MICALL2: variants seen among roughly 807,000 people sequenced by gnomAD.
The protein encoded by MICALL2 is MICAL like 2, also known as MICAL-like protein 2.
MICALL2 carries 111 observed loss-of-function variants against 91.1 expected under a neutral mutation model. That is an observed-to-expected ratio of 1.22 (90% CI 1.04 to 1.43). The LOEUF is 1.43. Ranked by LOEUF, MICALL2 falls within the 40% of genes most tolerant of loss-of-function variation. The pLI, the probability that MICALL2 is intolerant of heterozygous loss-of-function variation, is 0.00. For synonymous variants in MICALL2, 694 were observed against 525.3 expected (o/e 1.32, Z -4.39); for missense variants, 1,556 against 1,236.0 (o/e 1.26, Z -3.88).
rs984582741 is a variant in MICALL2 at position 1,452,088 on chromosome 7, ACCCTCCACCGTTTCCAGCTTGGACC to A, written c.144-1825_144-1801del. On this transcript the variant is annotated intron_variant, in intron 1 of 16. Transcript: ENST00000297508. The surrounding 1 kb of genome is among the most constrained non-coding windows in gnomAD (Gnocchi z 6.2). ...CATCAATCTGCTGGGATCCTTGGGAACCCTCCACCGTTTCCAGCTTGGACCCCCTCCCAGGTAACAGGTTTCAGAC... is the reference window on the plus strand; with the variant it reads ...CATCAATCTGCTGGGATCCTTGGGAACCCTCCCAGGTAACAGGTTTCAGAC... Among the ~76,000 whole-genome samples the A allele has an allele frequency of 4.0e-5, 6 of 151,848 alleles. No homozygotes were observed. The highest frequency in any genetic ancestry group is 1.5e-4 in the African/African-American group (6 of 41,304).
At chr7:1,444,461 C>T (rs1302925774) in intron 6 of MICALL2, among the ~76,000 whole-genome samples, 191 bp downstream of exon 6, 2 of 152,228 alleles carry the variant, frequency 1.3e-5, no homozygotes, top group Admixed American at 6.5e-5. Flanking sequence ...CTTCCACCAC[C>T]CTGACCACAG....
chr7:1,439,588 CATG>C (rs1315331722), intron 9 of MICALL2: 5 of 258,994 alleles, frequency 1.9e-5, no homozygotes, highest in African/African-American at 1.0e-4. Context: ...CTGATGTACA[CATG>C]AATACACATG....
intron 1 of MICALL2, among the ~76,000 whole-genome samples, chr7:1,458,319 C>T (rs1264100727): frequency 6.6e-6 from 1 of 152,218 alleles, no homozygotes; most frequent in Non-Finnish European, 1.5e-5. Context: ...CTCCCAACCC[C>T]GAGACCTTCC....
Position 1,445,565 on chromosome 7 carries a change from T to G in MICALL2, c.642-137A>C, listed in dbSNP as rs952417517. 18 of 770,106 alleles carry G rather than the reference T, an allele frequency of 2.3e-5. No homozygotes were observed. The East Asian group carries it at 4.6e-4, about 20-fold the overall frequency. The allele number at this position is 770,106 out of a possible 1,614,324, so 47.7% of individuals were successfully genotyped here. A position where few individuals can be genotyped will look rare whatever the true frequency, so the allele number is the denominator to read the frequency against. ...TGCTGAACGCCCGCCCCGCCACGCA[T>G]TCACCACGTGCTCCTGAGAGCAGGC... is the stretch of plus-strand genomic sequence containing the variant. On this transcript the variant is annotated intron_variant, in intron 5 of 16. Transcript: ENST00000297508.
At chr7:1,440,735 G>A (rs769724980) in intron 7 of MICALL2, 51 bp from the exon 8 acceptor site, 10 of 1,503,492 alleles carry the variant, frequency 6.7e-6, no homozygotes, top group Non-Finnish European at 8.3e-6. Context: ...CTGGGAATGG[G>A]GTGTCTGCAA....
At position 1,442,507 on chromosome 7, in the gene MICALL2, C is replaced by T. The variant is rs368452335; in HGVS notation, c.1419-23G>A. The T allele has an allele frequency of 5.9e-6, 9 of 1,517,174 alleles. No individual in the cohort carries two copies. The African/African-American group carries it at 1.1e-4, about 19-fold the overall frequency. 94.0% of individuals were successfully genotyped at this position (1,517,174 alleles called of 1,614,324 possible). A position where few individuals can be genotyped will look rare whatever the true frequency, so the allele number is the denominator to read the frequency against. ...GGCCTATAAGTAAAAGCGCAGGCAT[C>T]AGGCACAGCTGGATCCAGGCGCCCT... On this transcript the variant is annotated intron_variant, in intron 6 of 16. Transcript: ENST00000297508.
intron 16 of MICALL2, 68 bp from the exon 17 acceptor site, chr7:1,434,740 C>A: frequency 2.1e-6 from 3 of 1,441,366 alleles, no homozygotes; most frequent in African/African-American, 1.4e-5. Flanking sequence ...CCACACAAGT[C>A]CCCCTGCCAG....
intron 5 of MICALL2, 33 bp from the exon 6 acceptor site, chr7:1,445,461 G>A (rs749185993): frequency 3.8e-5 from 55 of 1,463,440 alleles, no homozygotes; most frequent in East Asian, 2.2e-4. Flanking sequence ...GCCCCAGCTC[G>A]GCACCGCCCA....
Position 1,452,139 on chromosome 7 carries a change from G to A in MICALL2, c.144-1851C>T, listed in dbSNP as rs1449383983. On this transcript the variant is annotated intron_variant, in intron 1 of 16. Coordinates refer to ENST00000297508, the MANE Select transcript of MICALL2 (RefSeq NM_182924.4). The surrounding 1 kb of genome is among the most constrained non-coding windows in gnomAD (Gnocchi z 6.2). ...CCCTCCCAGGTAACAGGTTTCAGAC[G>A]GCAGGACCACCCGTCTGCACAGGCG... Among the ~76,000 whole-genome samples the A allele has an allele frequency of 5.9e-5, 9 of 152,170 alleles. No individual in the cohort carries two copies. Among genetic ancestry groups the A allele is most frequent in the Admixed American group, 2.6e-4 (4 of 15,288 alleles).
In MICALL2 at chr7:1,444,309, G is replaced by C. The variant is rs538138637; in HGVS notation, c.1418+343C>G. 1.1e-3 allele frequency among the ~76,000 whole-genome samples: 174 copies of C among 151,728 alleles called. 1 individual carries two copies. Among genetic ancestry groups the C allele is most frequent in the African/African-American group, 4.0e-3 (163 of 41,128 alleles). Reference sequence around the variant, plus strand: ...ACCCGCCAGCGTGGGTCCCGCTCGCGACCTGTCCCCGCGTCCATGAAATGG... The same window carrying C: ...ACCCGCCAGCGTGGGTCCCGCTCGCCACCTGTCCCCGCGTCCATGAAATGG... On this transcript the variant is annotated intron_variant, in intron 6 of 16. Coordinates refer to ENST00000297508, the MANE Select transcript of MICALL2 (RefSeq NM_182924.4).
intron 14 of MICALL2, 24 bp from the exon 15 acceptor site, chr7:1,436,880 G>A (rs765902540): frequency 8.6e-6 from 13 of 1,517,430 alleles, no homozygotes; most frequent in Non-Finnish European, 2.7e-6. Flanking sequence ...TCGTCAGCAG[G>A]AGCCCCCCCC....
At chr7:1,445,994 G>T (rs920009853) in intron 5 of MICALL2, among the ~76,000 whole-genome samples, 1 of 150,358 alleles carries the variant, frequency 6.7e-6, no homozygotes, top group African/African-American at 2.5e-5. Context: ...AGTGTGTGTG[G>T]AAGGACAGTC....
intron 15 of MICALL2, 119 bp from the exon 16 acceptor site, chr7:1,435,266 C>G (rs1779911527): frequency 1.1e-6 from 1 of 912,904 alleles, no homozygotes; most frequent in Non-Finnish European, 1.7e-6. Context: ...ACCCATGCCA[C>G]CTGCCCCTTC....
chr7:1,450,584 C>A, intron 1 of MICALL2: 1 of 377,592 alleles, frequency 2.6e-6, no homozygotes, highest in Non-Finnish European at 5.0e-6. Context: ...TGGCAGGAAG[C>A]AGGCCTGGGA....
Position 1,452,386 on chromosome 7 carries a change from A to G in MICALL2, c.144-2098T>C, listed in dbSNP as rs955276651. ...GGACTCTGCAGCCATGCTGGGCGTCAGCCTCAGCCCCCAGGGCTTAGGAGC... is the reference window on the plus strand; with the variant it reads ...GGACTCTGCAGCCATGCTGGGCGTCGGCCTCAGCCCCCAGGGCTTAGGAGC... On this transcript the variant is annotated intron_variant, in intron 1 of 16. Coordinates refer to ENST00000297508, the MANE Select transcript of MICALL2 (RefSeq NM_182924.4). The surrounding 1 kb of genome is among the most constrained non-coding windows in gnomAD (Gnocchi z 6.2). 2.0e-5 allele frequency among the ~76,000 whole-genome samples: 3 copies of G among 151,796 alleles called. No individual in the cohort carries two copies. The highest frequency in any genetic ancestry group is 4.4e-5 in the Non-Finnish European group (3 of 67,968).
At chr7:1,443,234 C>T (rs1203524721) in intron 6 of MICALL2, among the ~76,000 whole-genome samples, 2 of 151,476 alleles carry the variant, frequency 1.3e-5, no homozygotes, top group Non-Finnish European at 3.0e-5. Flanking sequence ...GGAGCACCCC[C>T]GCCACTCATC....
Position 1,436,785 on chromosome 7 carries a change from C to T in MICALL2, c.2548G>A (p.Asp850Asn), listed in dbSNP as rs747114427. The T allele has an allele frequency of 2.6e-5, 42 of 1,608,838 alleles. No individual in the cohort carries two copies. The African/African-American group carries it at 2.9e-4, about 11-fold the overall frequency. ...AGCGAGTCCACGATGTCACTGCGGT[C>T]GTTCACGGTGCTCACGTACTGCTCC... The part of the protein sequence containing the change: ...LLEQYVSTVN[D>N]RSDIVDSLDE... Residue 850 changes from aspartate (D) to asparagine (N), a missense_variant, in exon 15 of 17, where the codon GAC (aspartate) becomes AAC (asparagine). Transcript: ENST00000297508.
chr7:1,438,561 C>G, intron 10 of MICALL2: 1 of 1,425,866 alleles, frequency 7.0e-7, no homozygotes, highest in Non-Finnish European at 9.1e-7. Flanking sequence ...GCACCCTGCC[C>G]TCCTCCAGGT....
chr7:1,452,046 C>T lies in MICALL2; in HGVS notation c.144-1758G>A, dbSNP rs536998972. Among the ~76,000 whole-genome samples the T allele has an allele frequency of 3.3e-5, 5 of 152,338 alleles. No individual in the cohort carries two copies. In the East Asian group the frequency reaches 9.7e-4, roughly 29 times the overall value. Reference sequence around the variant, plus strand: ...CCTTAGGAAGCCCCCGCCCCGTCCGCCTGCAGCCCTGCCGTCCATCAATCT... The same window carrying T: ...CCTTAGGAAGCCCCCGCCCCGTCCGTCTGCAGCCCTGCCGTCCATCAATCT... On this transcript the variant is annotated intron_variant, in intron 1 of 16. Transcript: ENST00000297508. The surrounding 1 kb of genome is among the most constrained non-coding windows in gnomAD (Gnocchi z 6.2).
Sources: gnomAD v4.1 joint callset for allele counts (sites outside exome capture counted in the v4.1 genomes callset) on GRCh38, gnomAD v4.1.1 for gene constraint, Gnocchi (gnomAD v3.1) non-coding constraint, MANE v1.5 for transcripts, NCBI Gene and HGNC (gene_info 2026-07-23, HGNC 2026-07-21) for gene names.